Variants in DCAF8L2 observed in about 807,000 individuals in gnomAD.
DCAF8L2 encodes the protein DDB1 and CUL4 associated factor 8 like 2.
For missense variants in DCAF8L2, 430 were observed against 490.7 expected, an observed-to-expected ratio of 0.88 and a Z score of 1.17; for synonymous variants, 200 against 190.9, an observed-to-expected ratio of 1.05 and a Z score of -0.39.
the DCAF8L2 span, among the ~76,000 whole-genome samples, chrX:27,516,239 G>A: frequency 9.1e-6 from 1 of 110,043 alleles, no homozygotes; most frequent in Non-Finnish European, 1.9e-5. Context: ...CCTCCTAACT[G>A]GAAAGATTTC....
chrX:27,654,346 G>A (rs1929268463), intron 2 of DCAF8L2, among the ~76,000 whole-genome samples: 1 of 111,885 alleles, frequency 8.9e-6, no homozygotes, highest in Non-Finnish European at 1.9e-5. Context: ...AACCTAACAT[G>A]AACTACCTGG....
the DCAF8L2 span, among the ~76,000 whole-genome samples, chrX:27,566,204 T>C: frequency 9.1e-6 from 1 of 109,649 alleles, no homozygotes; most frequent in East Asian, 2.9e-4. Context: ...ACTGTGTGTA[T>C]GTGAAACTTA....
At chrX:27,485,344 A>G in the DCAF8L2 span, among the ~76,000 whole-genome samples, 1 of 111,732 alleles carries the variant, frequency 8.9e-6, no homozygotes, top group Non-Finnish European at 1.9e-5. Context: ...GGTGAGCTAC[A>G]ATGAAGAAGG....
At chrX:27,530,427 A>G in the DCAF8L2 span, among the ~76,000 whole-genome samples, 1 of 110,803 alleles carries the variant, frequency 9.0e-6, no homozygotes, top group African/African-American at 3.3e-5. Context: ...CCACAAGTAT[A>G]TATTGGTTGA....
the DCAF8L2 span, among the ~76,000 whole-genome samples, chrX:27,514,269 G>GTACACATA: frequency 1.1e-3 from 40 of 36,726 alleles, 1 homozygote; most frequent in African/African-American, 1.7e-3. Flanking sequence ...GTGTGCATAT[G>GTACACATA]TGCACATATG....
At chrX:27,533,213 AGAAAGAAAG>A in the DCAF8L2 span, among the ~76,000 whole-genome samples, 4 of 50,473 alleles carry the variant, frequency 7.9e-5, no homozygotes, top group African/African-American at 2.0e-4. Flanking sequence ...AAAGAAAGAA[AGAAAGAAAG>A]AAAGAAAGAA....
At chrX:27,522,061 C>T in the DCAF8L2 span, among the ~76,000 whole-genome samples, 2 of 112,419 alleles carry the variant, frequency 1.8e-5, no homozygotes, top group African/African-American at 6.5e-5. Flanking sequence ...GAGTTTTGCT[C>T]TTGTTGCCCA....
At chrX:27,730,355 T>C (rs1921119531) in intron 4 of DCAF8L2, among the ~76,000 whole-genome samples, 1 of 112,229 alleles carries the variant, frequency 8.9e-6, no homozygotes, top group Non-Finnish European at 1.9e-5. Flanking sequence ...ACAGTATTGT[T>C]AACCACAGAT....
At chrX:27,591,959 T>C (rs6526681) in intron 1 of DCAF8L2, among the ~76,000 whole-genome samples, 13,481 of 112,215 alleles carry the variant, frequency 0.12, 1,721 homozygotes, top group African/African-American at 0.38. Flanking sequence ...CACAGCCTGG[T>C]TGTCGTCCAT....
At chrX:27,578,611 G>T in the DCAF8L2 span, among the ~76,000 whole-genome samples, 1 of 111,511 alleles carries the variant, frequency 9.0e-6, no homozygotes, top group African/African-American at 3.3e-5. Context: ...TCATCAGAGT[G>T]AACAGGCAAC....
At chrX:27,710,363 A>T (rs1479848620) in intron 3 of DCAF8L2, among the ~76,000 whole-genome samples, 1 of 111,781 alleles carries the variant, frequency 8.9e-6, no homozygotes, top group Non-Finnish European at 1.9e-5. Flanking sequence ...TGTGTTGAAT[A>T]TATAGATAAA....
the DCAF8L2 span, chrX:27,517,942 A>C: frequency 1.1e-5 from 13 of 1,199,018 alleles, no homozygotes; most frequent in Non-Finnish European, 1.5e-5. Flanking sequence ...GGTTTGCGTG[A>C]GGTCTGGTTT....
chrX:27,665,093 C>T (rs977150636), intron 2 of DCAF8L2, among the ~76,000 whole-genome samples: 2 of 110,827 alleles, frequency 1.8e-5, no homozygotes, highest in Admixed American at 9.8e-5. Flanking sequence ...AATGCTGTAG[C>T]TTCCATAGAT....
chrX:27,487,637 G>A, the DCAF8L2 span, among the ~76,000 whole-genome samples: 1 of 111,980 alleles, frequency 8.9e-6, no homozygotes, highest in South Asian at 3.7e-4. Context: ...CAACTTTATT[G>A]ATATGTAATT....
the DCAF8L2 span, among the ~76,000 whole-genome samples, chrX:27,585,168 T>C: frequency 2.7e-5 from 3 of 111,459 alleles, no homozygotes; most frequent in East Asian, 5.6e-4. Context: ...CAAATCTAGC[T>C]CTTACTATTT....
At chrX:27,662,567 A>G (rs1322639283) in intron 2 of DCAF8L2, among the ~76,000 whole-genome samples, 1 of 111,948 alleles carries the variant, frequency 8.9e-6, no homozygotes, top group Non-Finnish European at 1.9e-5. Flanking sequence ...TCTTAATGGT[A>G]GCATAGCATT....
intron 3 of DCAF8L2, among the ~76,000 whole-genome samples, chrX:27,704,215 CGCGCACATGTGCGTGTACACACGT>C (rs927560362): frequency 1.1e-5 from 1 of 90,769 alleles, no homozygotes; most frequent in Non-Finnish European, 2.1e-5. Context: ...TGTACACACG[CGCGCACATGTGCGTGTACACACGT>C]GCGCACATAC....
chrX:27,663,535 A>G (rs1209909872), intron 2 of DCAF8L2, among the ~76,000 whole-genome samples: 3 of 110,964 alleles, frequency 2.7e-5, no homozygotes, highest in Non-Finnish European at 3.8e-5. Context: ...GGAGTGCCAC[A>G]CACAACAATA....
the DCAF8L2 span, among the ~76,000 whole-genome samples, chrX:27,497,522 T>C: frequency 1.3e-4 from 9 of 71,135 alleles, no homozygotes; most frequent in African/African-American, 7.5e-4. Context: ...CCTTCCTTCC[T>C]TCCTTCCTTC....
Sources: gnomAD v4.1 joint callset for allele counts (sites outside exome capture counted in the v4.1 genomes callset) on GRCh38, gnomAD v4.1.1 for gene constraint, MANE v1.5 for transcripts, NCBI Gene and HGNC (gene_info 2026-07-23, HGNC 2026-07-21) for gene names.